Variants in ESR1 observed in about 807,000 individuals in gnomAD.
ESR1 encodes the protein estrogen receptor.
ESR1 carries 12 observed loss-of-function variants against 52.7 expected under a neutral mutation model. The observed-to-expected ratio is 0.23, with a 90% CI of 0.15 to 0.37. The LOEUF (loss-of-function observed/expected upper bound fraction) is 0.37. ESR1 is among the 10% of genes least tolerant of loss of function. ESR1 has a pLI of 1.00. For missense variants in ESR1, 584 were observed against 779.7 expected (o/e 0.75, Z 2.99); for synonymous variants, 305 against 316.8 (o/e 0.96, Z 0.39).
chr6:151,793,580 C>T (rs1235138127), intron 2 of ESR1, among the ~76,000 whole-genome samples: 6 of 152,166 alleles, frequency 3.9e-5, no homozygotes, highest in African/African-American at 1.4e-4. Flanking sequence ...TTTGCTTACA[C>T]CAGCATCACC....
chr6:151,980,376 G>A (rs779676465), intron 4 of ESR1, among the ~76,000 whole-genome samples: 3 of 152,132 alleles, frequency 2.0e-5, no homozygotes, highest in Non-Finnish European at 4.4e-5. Flanking sequence ...ATAATGCTTT[G>A]AGTAATTTTC....
At chr6:151,825,494 G>A (rs1781326470) in intron 1 of ESR1, among the ~76,000 whole-genome samples, 1 of 152,328 alleles carries the variant, frequency 6.6e-6, no homozygotes, top group Admixed American at 6.5e-5. Flanking sequence ...GAAAAGAATG[G>A]AAGTGAGAAT....
At chr6:151,758,420 T>C (rs1784428501) in intron 2 of ESR1, among the ~76,000 whole-genome samples, 1 of 152,168 alleles carries the variant, frequency 6.6e-6, no homozygotes, top group South Asian at 2.1e-4. Context: ...ATAGCATGTG[T>C]GAGTTCCTGG....
intron 2 of ESR1, among the ~76,000 whole-genome samples, chr6:151,865,253 T>C (rs937094063): frequency 6.6e-6 from 1 of 152,200 alleles, no homozygotes; most frequent in African/African-American, 2.4e-5. Flanking sequence ...GCTTTTCTCA[T>C]CGAATAATGT....
chr6:152,041,850 A>G (rs2128898276), intron 5 of ESR1, among the ~76,000 whole-genome samples: 1 of 152,362 alleles, frequency 6.6e-6, no homozygotes, highest in South Asian at 2.1e-4. Flanking sequence ...GGAATGGAGA[A>G]AAAGCCATTT....
intron 2 of ESR1, among the ~76,000 whole-genome samples, chr6:151,844,375 A>C (rs562905870): frequency 6.6e-6 from 1 of 152,290 alleles, no homozygotes; most frequent in African/African-American, 2.4e-5. Flanking sequence ...GCAGTGAAAG[A>C]GCGTCTGACA....
rs185627300 is a variant in ESR1 at position 151,782,946 on chromosome 6, G to A, written c.-70-24897G>A. 1.1e-4 allele frequency among the ~76,000 whole-genome samples: 16 copies of A among 152,260 alleles called. No individual in the cohort carries two copies. In the East Asian group the frequency reaches 3.1e-3, roughly 29 times the overall value. On this transcript the variant is annotated intron_variant, in intron 2 of 2. Coordinates refer to the ESR1 transcript ENST00000404742. ...CTGACTTACTGGTGTGTTTAGGTGA[G>A]TTTTATTGAAACACTGACTGACCCC...
intron 4 of ESR1, among the ~76,000 whole-genome samples, chr6:151,978,301 A>C (rs2128663333): frequency 6.6e-6 from 1 of 152,324 alleles, no homozygotes; most frequent in African/African-American, 2.4e-5. Context: ...ACTGAAAAAT[A>C]TATCCAAAGA....
At chr6:151,915,569 C>A (rs1186863114) in intron 3 of ESR1, among the ~76,000 whole-genome samples, 1 of 152,120 alleles carries the variant, frequency 6.6e-6, no homozygotes, top group African/African-American at 2.4e-5. Flanking sequence ...GCCAGGGAAC[C>A]ACTTAATTAT....
intron 1 of ESR1, among the ~76,000 whole-genome samples, chr6:151,662,740 T>C (rs1777681935): frequency 6.6e-6 from 1 of 152,226 alleles, no homozygotes. Context: ...GAGTTACAAC[T>C]GCACTGCTTC....
intron 2 of ESR1, among the ~76,000 whole-genome samples, chr6:151,746,106 T>C (rs1429175184): frequency 6.6e-6 from 1 of 152,200 alleles, no homozygotes; most frequent in East Asian, 1.9e-4. Context: ...TGTTTATCCA[T>C]TGATCTGTTG....
At chr6:151,675,225 C>T (rs1042170687) in intron 1 of ESR1, among the ~76,000 whole-genome samples, 10 of 152,136 alleles carry the variant, frequency 6.6e-5, no homozygotes, top group Admixed American at 1.3e-4. Flanking sequence ...TTACTAATTA[C>T]GTGCGTATTC....
intron 6 of ESR1, among the ~76,000 whole-genome samples, chr6:152,080,067 C>T (rs1001718204): frequency 3.9e-5 from 6 of 152,172 alleles, no homozygotes; most frequent in African/African-American, 1.4e-4. Context: ...AGAAAACACT[C>T]TTCAGGATAT....
At chr6:151,729,147 G>T (rs1782056221) in intron 2 of ESR1, among the ~76,000 whole-genome samples, 1 of 152,084 alleles carries the variant, frequency 6.6e-6, no homozygotes, top group Non-Finnish European at 1.5e-5. Context: ...AGGCCATGAG[G>T]GTGGAACCCT....
intron 1 of ESR1, 111 bp from the exon 2 acceptor site, chr6:151,842,486 T>C (rs1784455475): frequency 1.0e-6 from 1 of 992,136 alleles, no homozygotes; most frequent in African/African-American, 1.6e-5. Flanking sequence ...TTAGCTTACA[T>C]TATGATTCAT....
At chr6:151,788,221 G>T (rs1051419924) in intron 2 of ESR1, among the ~76,000 whole-genome samples, 2 of 152,078 alleles carry the variant, frequency 1.3e-5, no homozygotes, top group Non-Finnish European at 2.9e-5. Flanking sequence ...TCTAACCAAG[G>T]TCTACTATCC....
chr6:151,713,741 G>T (rs1319342986), intron 2 of ESR1, among the ~76,000 whole-genome samples: 1 of 151,774 alleles, frequency 6.6e-6, no homozygotes, highest in East Asian at 1.9e-4. Flanking sequence ...TTCTTTATTA[G>T]TCTGGCTAGC....
At chr6:151,670,762 GTTT>G (rs35606990) in intron 1 of ESR1, among the ~76,000 whole-genome samples, 1 of 85,780 alleles carries the variant, frequency 1.2e-5, no homozygotes, top group African/African-American at 4.9e-5. Context: ...TTTTGTTTTC[GTTT>G]TTTTTTTTTT....
chr6:152,070,089 T>C (rs2128984064), intron 6 of ESR1, among the ~76,000 whole-genome samples: 1 of 137,666 alleles, frequency 7.3e-6, no homozygotes, highest in Non-Finnish European at 1.5e-5. Flanking sequence ...AGCAGTACTG[T>C]CAACCTTATA....
Sources: allele counts gnomAD v4.1 joint callset (sites outside exome capture counted in the v4.1 genomes callset), GRCh38; gene constraint gnomAD v4.1.1; transcripts MANE v1.5; gene names NCBI Gene and HGNC (gene_info 2026-07-23, HGNC 2026-07-21).